Variants in LY6L observed in about 807,000 individuals in gnomAD.
LY6L encodes the protein lymphocyte antigen 6 family member L.
In LY6L, 8 loss-of-function variants were observed where a neutral mutation model predicts 8.3. The ratio of observed to expected loss-of-function variants is 0.97; its 90% confidence interval spans 0.57 to 1.74. LY6L has a LOEUF of 1.74. Among genes scored for constraint, LY6L ranks in the 40% most tolerant of loss-of-function variants. The pLI is 0.00. For missense variants in LY6L, 156 were observed against 183.8 expected (o/e 0.85, Z 0.87); for synonymous variants, 79 against 77.9 (o/e 1.01, Z -0.07).
intron 1 of LY6L, 135 bp downstream of exon 1, chr8:143,080,794 A>C: frequency 8.6e-6 from 4 of 464,810 alleles, no homozygotes; most frequent in East Asian, 3.5e-5. Context: ...AATGCGGGGA[A>C]GGGAGGAGAG....
chr8:143,081,079 G>T lies in LY6L; in HGVS notation c.26G>T (p.Cys9Phe). 6.5e-7 allele frequency: 1 copy of T among 1,534,978 alleles called. No homozygotes were observed. Among genetic ancestry groups the T allele is most frequent in the Non-Finnish European group, 8.7e-7 (1 of 1,146,388 alleles). Reference protein sequence around the residue: MERLVLTLCTLPLAVASAG... With the variant: MERLVLTLFTLPLAVASAG... ...ATGGAGAGGCTCGTCCTAACCCTGTGCACCCTCCCGCTGGCTGTGGCGTCT... is the reference window on the plus strand; with the variant it reads ...ATGGAGAGGCTCGTCCTAACCCTGTTCACCCTCCCGCTGGCTGTGGCGTCT... Residue 9 changes from cysteine (C) to phenylalanine (F), a missense_variant, in exon 2 of 4, where the codon TGC (cysteine) becomes TTC (phenylalanine). Coordinates refer to ENST00000562505, the MANE Select transcript of LY6L (RefSeq NM_001368160.2).
At chr8:143,080,718 C>A (rs965231473) in intron 1 of LY6L, 59 bp downstream of exon 1, 1 of 290,652 alleles carries the variant, frequency 3.4e-6, no homozygotes, top group Middle Eastern at 9.8e-4. Context: ...CGGGCGAGAA[C>A]GGGCTCCGAG....
intron 3 of LY6L, among the ~76,000 whole-genome samples, chr8:143,081,759 C>T (rs981732599): frequency 6.6e-6 from 1 of 152,154 alleles, no homozygotes; most frequent in Non-Finnish European, 1.5e-5. Flanking sequence ...ATGAATATAA[C>T]GTGTATATTG....
chr8:143,081,642 G>A (rs1188120557), intron 3 of LY6L, among the ~76,000 whole-genome samples: 6 of 152,194 alleles, frequency 3.9e-5, no homozygotes, highest in African/African-American at 7.2e-5. Flanking sequence ...TGGGTTATCT[G>A]CCCTTCCTGG....
rs1366720422 is a variant in LY6L, at chr8:143,081,241, A to G, written c.104A>G (p.Lys35Arg). Residue 35 changes from lysine to arginine, a missense_variant, in exon 3 of 4, where the codon AAG becomes AGG. Coordinates refer to ENST00000562505, the MANE Select transcript of LY6L (RefSeq NM_001368160.2). ...AACCTGAGCTGCTACCAGTGCTTCA[A>G]GGTCAGCAGCTGGACGGAGTGCCCG... ...ARNLSCYQCF[K>R]VSSWTECPPT... is the part of the protein sequence containing the mutation. 2.6e-6 allele frequency: 4 copies of G among 1,533,364 alleles called. No homozygotes were observed. Among genetic ancestry groups the G allele is most frequent in the Non-Finnish European group, 3.5e-6 (4 of 1,145,340 alleles). 95.0% of individuals were successfully genotyped at this position (1,533,364 alleles called of 1,614,324 possible).
At chr8:143,080,889 C>T (rs1013144399) in intron 1 of LY6L, 147 bp from the exon 2 acceptor site, 1 of 589,024 alleles carries the variant, frequency 1.7e-6, no homozygotes, top group Non-Finnish European at 2.9e-6. Flanking sequence ...AGGTGGGGGA[C>T]GTCCTGGGTG....
chr8:143,082,033 C>T (rs563795717), intron 3 of LY6L, among the ~76,000 whole-genome samples: 7 of 152,310 alleles, frequency 4.6e-5, no homozygotes, highest in African/African-American at 1.7e-4. Flanking sequence ...GGGCACCCAG[C>T]CCAGCAGGTT....
In LY6L at chr8:143,082,798, C is replaced by T. The variant is rs1013455899; in HGVS notation, c.*147C>T. On this transcript the variant is annotated 3_prime_UTR_variant, in exon 4 of 4. Transcript: ENST00000562505. Reference sequence around the variant, plus strand: ...GGGGAGGGTGCCATTGCCTCCATCCCGGATCTAGCCACCTCACTCCTCCCC... The same window carrying T: ...GGGGAGGGTGCCATTGCCTCCATCCTGGATCTAGCCACCTCACTCCTCCCC... The T allele has an allele frequency of 7.1e-5, 47 of 666,302 alleles. No individual in the cohort carries two copies. Among genetic ancestry groups the T allele is most frequent in the Non-Finnish European group, 1.0e-4 (44 of 419,476 alleles). 41.3% of individuals were successfully genotyped at this position (666,302 alleles called of 1,614,324 possible). A position where few individuals can be genotyped will look rare whatever the true frequency, so the allele number is the denominator to read the frequency against.
At position 143,082,521 on chromosome 8, in the gene LY6L, G is replaced by T. The variant is rs1040981695; in HGVS notation, c.287G>T (p.Gly96Val). The T allele has an allele frequency of 7.8e-6, 12 of 1,535,322 alleles. No homozygotes were observed. Among genetic ancestry groups the T allele is most frequent in the African/African-American group, 2.7e-5 (2 of 73,046 alleles). The change falls in exon 4 of 4, where the codon GGC becomes GTC. Residue 96 changes from glycine (G) to valine (V), a missense_variant. Gly to Val is a moderately radical substitution (Grantham distance 109, BLOSUM62 -3). Transcript: ENST00000562505. ...TGGTCGCCGGCCCCCATGGTGCAAG[G>T]CGTGATCACCAGGCGCTGCTGTTCC... The part of the protein sequence containing the change: ...FEWSPAPMVQ[G>V]VITRRCCSWA...
rs1435886772 is a variant in LY6L, at chr8:143,082,746, G to T, written c.*95G>T. The T allele has an allele frequency of 1.4e-5, 14 of 1,022,472 alleles. No individual in the cohort carries two copies. Among genetic ancestry groups the T allele is most frequent in the Middle Eastern group, 3.2e-4 (1 of 3,090 alleles). The allele number at this position is 1,022,472 out of a possible 1,614,324, so 63.3% of individuals were successfully genotyped here. A position where few individuals can be genotyped will look rare whatever the true frequency, so the allele number is the denominator to read the frequency against. On this transcript the variant is annotated 3_prime_UTR_variant, in exon 4 of 4. Transcript: ENST00000562505. ...GCCTCCGCCCCTTCCAGGACACTGGGGGGGGACCCTCCCTCTCTGAGGTGG... is the reference window on the plus strand; with the variant it reads ...GCCTCCGCCCCTTCCAGGACACTGGTGGGGGACCCTCCCTCTCTGAGGTGG...
intron 1 of LY6L, 69 bp downstream of exon 1, chr8:143,080,728 G>C (rs1449530487): frequency 3.0e-6 from 1 of 332,370 alleles, no homozygotes; most frequent in East Asian, 5.2e-5. Flanking sequence ...CGGGCTCCGA[G>C]GGTTTAGAAA....
chr8:143,081,004 G>A, intron 1 of LY6L, 32 bp from the exon 2 acceptor site: 2 of 1,472,472 alleles, frequency 1.4e-6, no homozygotes, highest in Middle Eastern at 1.8e-4. Context: ...TCTGGGTGAA[G>A]CCTCCCGCAA....
chr8:143,080,731 T>G, intron 1 of LY6L, 72 bp downstream of exon 1: 9 of 323,936 alleles, frequency 2.8e-5, no homozygotes, highest in Non-Finnish European at 4.5e-5. Context: ...GCTCCGAGGG[T>G]TTAGAAAGAG....
In LY6L at chr8:143,081,329, T is replaced by G. The variant is rs1563928273; in HGVS notation, c.190+2T>G. On this transcript the variant is annotated splice_donor_variant, in intron 3 of 3. Transcript: ENST00000562505. LOFTEE classifies it high-confidence loss of function. ...CCAACGAGGTGGTCGTCTCTTTTAG[T>G]GAGTCCCCCCCGGGCAGAGGGCAGG... is the stretch of plus-strand genomic sequence containing the variant. The G allele has an allele frequency of 6.6e-7, 1 of 1,510,682 alleles. No homozygotes were observed. The highest frequency in any genetic ancestry group is 8.9e-7 in the Non-Finnish European group (1 of 1,128,886). 93.6% of individuals were successfully genotyped at this position (1,510,682 alleles called of 1,614,324 possible).
intron 1 of LY6L, 58 bp from the exon 2 acceptor site, chr8:143,080,978 G>A: frequency 2.3e-6 from 3 of 1,278,986 alleles, no homozygotes; most frequent in Non-Finnish European, 3.3e-6. Context: ...GGAGCAGGAA[G>A]CTGGGGAGGG....
chr8:143,082,386 T>C (rs2130541708), intron 3 of LY6L, 39 bp from the exon 4 acceptor site: 2 of 1,438,802 alleles, frequency 1.4e-6, no homozygotes, highest in Middle Eastern at 1.7e-4. Context: ...ACCTCCTTGC[T>C]GGGGCTCTGG....
At position 143,082,949 on chromosome 8, in the gene LY6L, G is replaced by C; in HGVS notation, c.*298G>C. On this transcript the variant is annotated 3_prime_UTR_variant, in exon 4 of 4. Transcript: ENST00000562505. ...TGATGTGGGTGATGGGAAGGACGGT[G>C]CCTCTGGTGTGGGTGATGGGAAGGA... is the stretch of plus-strand genomic sequence containing the variant. 1 of 394,740 alleles carries C rather than the reference G, an allele frequency of 2.5e-6. No individual in the cohort carries two copies. Among genetic ancestry groups the C allele is most frequent in the East Asian group, 4.4e-5 (1 of 22,788 alleles). 24.5% of individuals were successfully genotyped at this position (394,740 alleles called of 1,614,324 possible).
intron 1 of LY6L, 60 bp downstream of exon 1, chr8:143,080,719 G>T: frequency 3.4e-6 from 1 of 290,580 alleles, no homozygotes; most frequent in Non-Finnish European, 6.4e-6. Flanking sequence ...GGGCGAGAAC[G>T]GGCTCCGAGG....
rs1563928644 is a variant in LY6L at position 143,082,505 on chromosome 8, G to A, written c.271G>A (p.Ala91Thr). The A allele has an allele frequency of 6.5e-7, 1 of 1,535,474 alleles. No individual in the cohort carries two copies. Among genetic ancestry groups the A allele is most frequent in the African/African-American group, 1.4e-5 (1 of 73,168 alleles). Residue 91 changes from alanine (A) to threonine (T), a missense_variant, in exon 4 of 4, where the codon GCC (alanine) becomes ACC (threonine). Coordinates refer to ENST00000562505, the MANE Select transcript of LY6L (RefSeq NM_001368160.2). Reference sequence around the variant, plus strand: ...CAACATGAAGTTCGAATGGTCGCCGGCCCCCATGGTGCAAGGCGTGATCAC... The same window carrying A: ...CAACATGAAGTTCGAATGGTCGCCGACCCCCATGGTGCAAGGCGTGATCAC... ...NDNMKFEWSP[A>T]PMVQGVITRR...
Sources: allele counts gnomAD v4.1 joint callset (sites outside exome capture counted in the v4.1 genomes callset), GRCh38; gene constraint gnomAD v4.1.1; transcripts MANE v1.5; gene names NCBI Gene and HGNC (gene_info 2026-07-23, HGNC 2026-07-21).